The following PRDM16 variants were observed in gnomAD, a reference collection of about 807,000 sequenced individuals.
PRDM16 encodes the protein PR/SET domain 16.
Under a neutral mutation model 110.6 loss-of-function variants are expected in PRDM16, and 23 were observed. The observed-to-expected ratio is 0.21, with a 90% confidence interval of 0.15 to 0.29. The LOEUF (loss-of-function observed/expected upper bound fraction) is 0.29. Among genes scored for constraint, PRDM16 ranks in the 10% least tolerant of loss-of-function variants. The pLI is 1.00. For synonymous variants in PRDM16, 799 were observed against 781.8 expected (o/e 1.02, Z -0.37); for missense variants, 1,615 against 1,794.3 (o/e 0.90, Z 1.81).
chr1:3,248,224 C>T (rs1639840184), intron 3 of PRDM16, among the ~76,000 whole-genome samples: 2 of 152,108 alleles, frequency 1.3e-5, no homozygotes, highest in African/African-American at 4.8e-5. Context: ...GTAGTCCACC[C>T]GGGAGATGCT....
intron 2 of PRDM16, among the ~76,000 whole-genome samples, chr1:3,188,608 C>A (rs916875905): frequency 1.3e-5 from 2 of 152,234 alleles, no homozygotes; most frequent in East Asian, 3.9e-4. Flanking sequence ...ATTTACTCTC[C>A]CCCCGACGCC....
chr1:3,110,186 C>T (rs1642755819), intron 1 of PRDM16, among the ~76,000 whole-genome samples: 2 of 141,520 alleles, frequency 1.4e-5, no homozygotes, highest in Admixed American at 1.4e-4. Flanking sequence ...CTGTGGATCC[C>T]CCATGTCCTG....
At chr1:3,262,592 A>G (rs1315394273) in intron 3 of PRDM16, among the ~76,000 whole-genome samples, 1 of 152,122 alleles carries the variant, frequency 6.6e-6, no homozygotes, top group East Asian at 1.9e-4. Flanking sequence ...AAACCAGATG[A>G]TGAAGTTGGA....
chr1:3,300,644 T>C (rs1404666159), intron 3 of PRDM16, among the ~76,000 whole-genome samples: 12 of 152,196 alleles, frequency 7.9e-5, no homozygotes, highest in Non-Finnish European at 5.9e-5. Context: ...CCAGGGAAAA[T>C]GGATTCTGCC....
At position 3,359,219 on chromosome 1, in the gene PRDM16, G is replaced by A. The variant is rs906767176; in HGVS notation, c.439-25933G>A. Among the ~76,000 whole-genome samples the A allele has an allele frequency of 1.3e-4, 20 of 152,082 alleles. No individual in the cohort carries two copies. Among genetic ancestry groups the A allele is most frequent in the Non-Finnish European group, 2.8e-4 (19 of 68,006 alleles). On this transcript the variant is annotated intron_variant, in intron 3 of 16. Transcript: ENST00000270722. The surrounding 1 kb of genome is among the most constrained non-coding windows in gnomAD (Gnocchi z 4.3). ...CGTGCCTAGTTAATATGTCCATTTT[G>A]TGTTGACTTGGGGTCTCACTATGTT... is the stretch of plus-strand genomic sequence containing the variant.
chr1:3,241,795 C>T (rs1479010223), intron 2 of PRDM16, among the ~76,000 whole-genome samples: 2 of 152,156 alleles, frequency 1.3e-5, no homozygotes, highest in African/African-American at 4.8e-5. Flanking sequence ...TGCAGCTGGC[C>T]ACAGCAGGAA....
intron 3 of PRDM16, among the ~76,000 whole-genome samples, chr1:3,260,023 C>A (rs148636933): frequency 6.6e-6 from 1 of 152,308 alleles, no homozygotes; most frequent in Admixed American, 6.5e-5. Context: ...ACACACCCTT[C>A]CCACCTCCCC....
At chr1:3,152,323 TC>T (rs1446781474) in intron 1 of PRDM16, among the ~76,000 whole-genome samples, 2 of 151,598 alleles carry the variant, frequency 1.3e-5, no homozygotes, top group African/African-American at 4.8e-5. Context: ...CATCCATCCA[TC>T]CATCCATCCA....
At chr1:3,285,886 G>A (rs148323569) in intron 3 of PRDM16, among the ~76,000 whole-genome samples, 122 of 152,338 alleles carry the variant, frequency 8.0e-4, no homozygotes, top group African/African-American at 2.9e-3. Flanking sequence ...TCTGCCGAGC[G>A]TGGAGCCCAA....
rs546847710 is a variant in PRDM16 at position 3,348,973 on chromosome 1, G to A, written c.439-36179G>A. On this transcript the variant is annotated intron_variant, in intron 3 of 16. Coordinates refer to ENST00000270722, the MANE Select transcript of PRDM16 (RefSeq NM_022114.4). ...TAAGAGAAGGGTCCACCGGGGCAGC[G>A]CTGGCCTGGGAACAGCCCACTGGCA... 5.9e-5 allele frequency among the ~76,000 whole-genome samples: 9 copies of A among 152,202 alleles called. No individual in the cohort carries two copies. In the South Asian group the frequency reaches 1.7e-3, roughly 28 times the overall value.
At chr1:3,251,865 C>G (rs1178398323) in intron 3 of PRDM16, among the ~76,000 whole-genome samples, 1 of 152,232 alleles carries the variant, frequency 6.6e-6, no homozygotes, top group Non-Finnish European at 1.5e-5. Context: ...TAGATCAGCT[C>G]TGAGCCCTGG....
rs915754051 is a variant in PRDM16, at chr1:3,433,877, G to A, written c.*66G>A. The stretch of plus-strand genomic sequence containing the variant: ...CCAGCCACGAAGGACGGAGGCGGGC[G>A]GGGCCCCGGAGAACCCTGTCCCTGC... On this transcript the variant is annotated 3_prime_UTR_variant, in exon 17 of 17. Transcript: ENST00000270722. 1.5e-5 allele frequency: 23 copies of A among 1,573,590 alleles called. No homozygotes were observed. The South Asian group carries it at 1.7e-4, about 12-fold the overall frequency.
At chr1:3,296,478 G>A (rs1003502292) in intron 3 of PRDM16, among the ~76,000 whole-genome samples, 13 of 152,258 alleles carry the variant, frequency 8.5e-5, no homozygotes. Flanking sequence ...ACTCAGTGGA[G>A]GAGGCGAGAG....
At chr1:3,283,674 C>T (rs189429396) in intron 3 of PRDM16, among the ~76,000 whole-genome samples, 367 of 152,112 alleles carry the variant, frequency 2.4e-3, no homozygotes, top group African/African-American at 7.3e-3. Flanking sequence ...GGGTGGTCAG[C>T]GAAGGGTTAT....
intron 1 of PRDM16, among the ~76,000 whole-genome samples, chr1:3,076,579 T>C (rs1416230423): frequency 6.6e-6 from 1 of 152,170 alleles, no homozygotes; most frequent in African/African-American, 2.4e-5. Flanking sequence ...AGCCTGGGGC[T>C]TCTCCGAGGG....
rs1638590872 is a variant in PRDM16 at position 3,425,955 on chromosome 1, A to G, written c.3110-96A>G. 10 of 1,398,408 alleles carry G rather than the reference A, an allele frequency of 7.2e-6. No homozygotes were observed. The highest frequency in any genetic ancestry group is 8.7e-6 in the Non-Finnish European group (9 of 1,038,472). The allele number at this position is 1,398,408 out of a possible 1,614,324, so 86.6% of individuals were successfully genotyped here. ...TGTCCCTAAGAAACCTGCCTCCCTAACAGCACCCCAGGTGTACCCCGTTCG... is the reference window on the plus strand; with the variant it reads ...TGTCCCTAAGAAACCTGCCTCCCTAGCAGCACCCCAGGTGTACCCCGTTCG... On this transcript the variant is annotated intron_variant, in intron 13 of 16. Coordinates refer to ENST00000270722, the MANE Select transcript of PRDM16 (RefSeq NM_022114.4). This position sits in a 1 kb window ranked among gnomAD's most constrained non-coding sequence, Gnocchi z 6.9.
At chr1:3,152,043 T>A (rs906550746) in intron 1 of PRDM16, among the ~76,000 whole-genome samples, 13 of 152,202 alleles carry the variant, frequency 8.5e-5, no homozygotes, top group Non-Finnish European at 1.6e-4. Flanking sequence ...CCGTGGCACA[T>A]TGCTCAGAAT....
rs542117067 is a variant in PRDM16 at position 3,074,581 on chromosome 1, G to A, written c.37+5285G>A. ...GCAGGCTGGACTCCCGCTGGGCTCC[G>A]TCCCCCACAGCTCCTGCCCCTTCTG... On this transcript the variant is annotated intron_variant, in intron 1 of 16. Transcript: ENST00000270722. Among the ~76,000 whole-genome samples the A allele has an allele frequency of 1.1e-4, 17 of 152,262 alleles. 1 individual carries two copies. Among genetic ancestry groups the A allele is most frequent in the South Asian group, 1.0e-3 (5 of 4,826 alleles).
chr1:3,325,859 C>T (rs755931378), intron 3 of PRDM16, among the ~76,000 whole-genome samples: 10 of 152,094 alleles, frequency 6.6e-5, no homozygotes, highest in South Asian at 2.1e-4. Context: ...CCTTCCTTAG[C>T]GGTTCTCAGT....
Sources: gnomAD v4.1 joint callset for allele counts (sites outside exome capture counted in the v4.1 genomes callset) on GRCh38, gnomAD v4.1.1 for gene constraint, Gnocchi (gnomAD v3.1) non-coding constraint, MANE v1.5 for transcripts, NCBI Gene and HGNC (gene_info 2026-07-23, HGNC 2026-07-21) for gene names.